The following GRIN2A variants were observed in gnomAD, a reference collection of about 807,000 sequenced individuals.
GRIN2A encodes glutamate ionotropic receptor NMDA type subunit 2A.
A neutral mutation model predicts 113.4 loss-of-function variants in GRIN2A; 22 were observed. The ratio of observed to expected loss-of-function variants is 0.19; its 90% CI spans 0.14 to 0.28. The LOEUF is 0.28. Ranked by LOEUF, GRIN2A falls within the 10% of genes least tolerant of loss-of-function variation. GRIN2A has a pLI of 1.00. For synonymous variants in GRIN2A, 827 were observed against 738.4 expected (o/e 1.12, Z -1.94); for missense variants, 1,502 against 1,887.0 (o/e 0.80, Z 3.78).
At chr16:10,175,197 C>T (rs554271861) in intron 2 of GRIN2A, among the ~76,000 whole-genome samples, 3 of 152,270 alleles carry the variant, frequency 2.0e-5, no homozygotes, top group South Asian at 2.1e-4. Context: ...GATGTTCACA[C>T]GATTAAATCA....
intron 10 of GRIN2A, among the ~76,000 whole-genome samples, chr16:9,802,490 T>G (rs925865785): frequency 6.6e-6 from 1 of 152,098 alleles, no homozygotes; most frequent in African/African-American, 2.4e-5. Context: ...ATAATCACTT[T>G]AAAAAAAGAG....
chr16:9,900,598 A>G (rs762846942), intron 3 of GRIN2A, among the ~76,000 whole-genome samples: 16 of 152,188 alleles, frequency 1.1e-4, no homozygotes, highest in Non-Finnish European at 2.1e-4. Context: ...AGCAGGGTGT[A>G]TAGAGTAGGG....
chr16:10,081,197 C>T (rs1316535793), intron 2 of GRIN2A, among the ~76,000 whole-genome samples: 1 of 152,210 alleles, frequency 6.6e-6, no homozygotes, highest in Admixed American at 6.5e-5. Flanking sequence ...CACTGCTACG[C>T]CTTCCCACAC....
intron 2 of GRIN2A, among the ~76,000 whole-genome samples, chr16:10,047,938 C>G (rs911715556): frequency 1.3e-5 from 2 of 152,136 alleles, no homozygotes; most frequent in African/African-American, 4.8e-5. Context: ...GGTGGGCTCC[C>G]TCTCCTTTTA....
chr16:9,987,062 G>C (rs962518199), intron 2 of GRIN2A, among the ~76,000 whole-genome samples: 1 of 152,096 alleles, frequency 6.6e-6, no homozygotes, highest in Non-Finnish European at 1.5e-5. Flanking sequence ...GATGCAGGAG[G>C]TCCATAGACT....
intron 2 of GRIN2A, among the ~76,000 whole-genome samples, chr16:10,033,046 A>G (rs2046958846): frequency 6.6e-6 from 1 of 152,106 alleles, no homozygotes; most frequent in South Asian, 2.1e-4. Context: ...CCTGTGGGCA[A>G]AGTTTGCCCT....
At chr16:9,872,958 T>C (rs995883714) in intron 4 of GRIN2A, among the ~76,000 whole-genome samples, 2 of 151,996 alleles carry the variant, frequency 1.3e-5, no homozygotes, top group Non-Finnish European at 2.9e-5. Flanking sequence ...GGTGGGAAGA[T>C]CACTTGAGCC....
chr16:9,849,956 G>A lies in GRIN2A; in HGVS notation c.1128C>T (p.Gly376=), dbSNP rs2042854084. Residue 376 remains glycine (G), a synonymous_variant, in exon 5 of 13, where the codon GGC becomes GGT. Coordinates refer to ENST00000330684, the MANE Select transcript of GRIN2A (RefSeq NM_001134407.3). ...LNKDREWEKV[G]KWENHTLSLR... ...GGCTCAGCGTATGGTTCTCCCACTT[G>A]CCCACCTGCAGCACAAACACAAAGA... 8 of 1,613,216 alleles carry A rather than the reference G, an allele frequency of 5.0e-6. No homozygotes were observed. The highest frequency in any genetic ancestry group is 1.1e-5 in the South Asian group (1 of 91,056).
chr16:9,860,623 A>T (rs540771222), intron 4 of GRIN2A, among the ~76,000 whole-genome samples: 5 of 152,136 alleles, frequency 3.3e-5, no homozygotes, highest in African/African-American at 9.6e-5. Flanking sequence ...CTTCTTCTCA[A>T]TGTAGTGCAG....
chr16:9,859,045 C>G (rs1156562710), intron 4 of GRIN2A, among the ~76,000 whole-genome samples: 1 of 152,152 alleles, frequency 6.6e-6, no homozygotes, highest in Non-Finnish European at 1.5e-5. Flanking sequence ...ACTCCATGCT[C>G]AAGTCCCTCC....
At chr16:10,165,080 T>C (rs1395242893) in intron 2 of GRIN2A, among the ~76,000 whole-genome samples, 3 of 152,206 alleles carry the variant, frequency 2.0e-5, no homozygotes, top group Non-Finnish European at 4.4e-5. Flanking sequence ...TAAAAGCCAA[T>C]AATCTGTGAT....
At chr16:9,796,602 G>T (rs1301380319) in intron 11 of GRIN2A, among the ~76,000 whole-genome samples, 1 of 152,230 alleles carries the variant, frequency 6.6e-6, no homozygotes, top group Non-Finnish European at 1.5e-5. Context: ...CTTGAAATGT[G>T]CATGTGCAGC....
At chr16:9,829,746 G>T (rs1430362208) in intron 8 of GRIN2A, 94 bp from the exon 9 acceptor site, 2 of 805,712 alleles carry the variant, frequency 2.5e-6, no homozygotes, top group East Asian at 2.5e-5. Context: ...AGCACCGAAG[G>T]TTGCCAGAAG....
At chr16:10,064,175 C>T (rs894462649) in intron 2 of GRIN2A, among the ~76,000 whole-genome samples, 26 of 152,150 alleles carry the variant, frequency 1.7e-4, no homozygotes, top group Admixed American at 1.0e-3. Flanking sequence ...GTTTCTTCCA[C>T]GAGAACAGAT....
intron 2 of GRIN2A, among the ~76,000 whole-genome samples, chr16:10,108,483 C>G (rs1051216996): frequency 6.6e-5 from 10 of 152,302 alleles, no homozygotes; most frequent in African/African-American, 2.4e-4. Context: ...AAGTAATTGC[C>G]TCAAGAATCA....
At position 9,754,347 on chromosome 16, in the gene GRIN2A, C is replaced by G; in HGVS notation, c.*8802G>C. On this transcript the variant is annotated 3_prime_UTR_variant, in exon 13 of 13. Coordinates refer to ENST00000330684, the MANE Select transcript of GRIN2A (RefSeq NM_001134407.3). ...CCCTCAGGTTTGGAAGGCATCTGAGCCACATCTAACTATGTCACTGCTGTG... is the reference window on the plus strand; with the variant it reads ...CCCTCAGGTTTGGAAGGCATCTGAGGCACATCTAACTATGTCACTGCTGTG... The G allele has an allele frequency of 4.8e-6, 1 of 207,484 alleles. No individual in the cohort carries two copies. The allele number at this position is 207,484 out of a possible 1,614,324, so 12.9% of individuals were successfully genotyped here.
chr16:10,043,949 A>G (rs2047211042), intron 2 of GRIN2A, among the ~76,000 whole-genome samples: 1 of 147,346 alleles, frequency 6.8e-6, no homozygotes, highest in Non-Finnish European at 1.5e-5. Flanking sequence ...ACACACATAT[A>G]TATGTATATA....
In GRIN2A at chr16:10,079,403, G is replaced by A. The variant is rs1195604544; in HGVS notation, c.414+100595C>T. The stretch of plus-strand genomic sequence containing the variant: ...CAATGCAGCCATGTTTCAGGCAGAG[G>A]AAAACGCTAAGCCCATGGGGTAGGC... On this transcript the variant is annotated intron_variant, in intron 2 of 12. Transcript: ENST00000330684. Among the ~76,000 whole-genome samples, 5 of 152,170 alleles carry A rather than the reference G, an allele frequency of 3.3e-5. No homozygotes were observed. In the East Asian group the frequency reaches 9.6e-4, roughly 29 times the overall value.
intron 2 of GRIN2A, among the ~76,000 whole-genome samples, chr16:10,151,586 A>G (rs560609709): frequency 3.3e-5 from 5 of 152,230 alleles, no homozygotes; most frequent in Non-Finnish European, 7.3e-5. Context: ...TTTCTGCAAG[A>G]TCAATGCTTG....
Sources: gnomAD v4.1 joint callset for allele counts (sites outside exome capture counted in the v4.1 genomes callset) on GRCh38, gnomAD v4.1.1 for gene constraint, MANE v1.5 for transcripts, NCBI Gene and HGNC (gene_info 2026-07-23, HGNC 2026-07-21) for gene names.